The following CEP78 variants were observed in gnomAD, a reference collection of about 807,000 sequenced individuals.
CEP78 encodes the protein centrosomal protein of 78 kDa.
Under a neutral mutation model 81.2 loss-of-function variants are expected in CEP78, and 76 were observed. The ratio of observed to expected loss-of-function variants is 0.94; its 90% CI spans 0.78 to 1.13. The LOEUF is 1.13. Ranked by LOEUF, CEP78 falls within the 50% of genes most tolerant of loss-of-function variation. The pLI is 0.00. For missense variants in CEP78, 918 were observed against 846.8 expected (o/e 1.08, Z -1.04); for synonymous variants, 293 against 301.4 (o/e 0.97, Z 0.29).
At chr9:78,247,583 G>A (rs552082781) in intron 6 of CEP78, among the ~76,000 whole-genome samples, 2 of 152,288 alleles carry the variant, frequency 1.3e-5, no homozygotes, top group Non-Finnish European at 2.9e-5. Context: ...AATTCTAAAT[G>A]AGCTGAAAAC....
At chr9:78,253,025 T>C (rs1012689254) in intron 9 of CEP78, among the ~76,000 whole-genome samples, 6 of 152,190 alleles carry the variant, frequency 3.9e-5, no homozygotes, top group African/African-American at 1.4e-4. Flanking sequence ...AGTACCTGCA[T>C]CTTCAGAGTC....
Position 78,240,312 on chromosome 9 carries a change from T to G in CEP78, c.447T>G (p.Ser149=). The change falls in exon 3 of 17, where the codon TCT becomes TCG. Residue 149 remains serine, a synonymous_variant. Coordinates refer to ENST00000643273, the MANE Select transcript of CEP78 (RefSeq NM_001330691.3). ...TAAAGGGATTGAATAAATCGGCTTC[T>G]TTGGTGCACCTGTCTCTTGCAAATT... is the stretch of plus-strand genomic sequence containing the variant. ...ILAKGLNKSA[S]LVHLSLANCP... is the part of the protein sequence containing the mutation. 1.3e-6 allele frequency: 2 copies of G among 1,599,990 alleles called. No individual in the cohort carries two copies. Among genetic ancestry groups the G allele is most frequent in the Non-Finnish European group, 1.7e-6 (2 of 1,172,058 alleles).
Position 78,266,506 on chromosome 9 carries a change from C to G in CEP78, c.1910C>G (p.Ser637Cys), listed in dbSNP as rs1198671670. The part of the protein sequence containing the change: ...LPLDSFPVPV[S>C]TPEGLGTSSN... ...CTCGACTCCTTTCCTGTCCCAGTTT[C>G]TACTCCAGAGGGCTTAGGAACTTCC... The change falls in exon 16 of 17, where the codon TCT (serine) becomes TGT (cysteine). Residue 637 changes from serine to cysteine, a missense_variant. By Grantham distance (112) the Ser-to-Cys change is moderately radical. Coordinates refer to ENST00000643273, the MANE Select transcript of CEP78 (RefSeq NM_001330691.3). 1 of 1,613,618 alleles carries G rather than the reference C, an allele frequency of 6.2e-7. No homozygotes were observed. The highest frequency in any genetic ancestry group is 1.1e-5 in the South Asian group (1 of 91,066).
At chr9:78,255,612 T>C (rs1443473248) in intron 11 of CEP78, among the ~76,000 whole-genome samples, 2 of 152,134 alleles carry the variant, frequency 1.3e-5, no homozygotes, top group African/African-American at 4.8e-5. Flanking sequence ...GGAAATCACT[T>C]TTTGATTTTC....
chr9:78,258,644 G>A (rs142384138), intron 11 of CEP78, among the ~76,000 whole-genome samples: 4 of 152,090 alleles, frequency 2.6e-5, no homozygotes, highest in Non-Finnish European at 4.4e-5. Flanking sequence ...TCTAAAATCC[G>A]GTCATGTAGT....
chr9:78,253,301 T>C (rs1347512629), intron 10 of CEP78, 24 bp downstream of exon 10: 8 of 1,094,496 alleles, frequency 7.3e-6, no homozygotes, highest in South Asian at 6.6e-5. Flanking sequence ...ATGTTTATAA[T>C]ATGTAGGGGA....
chr9:78,249,122 A>G (rs1786095963), intron 8 of CEP78: 3 of 187,134 alleles, frequency 1.6e-5, no homozygotes, highest in Non-Finnish European at 2.2e-5. Flanking sequence ...TACAATATTC[A>G]TCATTTTGGA....
intron 7 of CEP78, 117 bp downstream of exon 7, chr9:78,248,472 C>G: frequency 1.4e-6 from 1 of 700,766 alleles, no homozygotes; most frequent in Non-Finnish European, 2.5e-6. Context: ...CTTCCCCCTT[C>G]CCAGCTTCCT....
intron 11 of CEP78, among the ~76,000 whole-genome samples, chr9:78,258,230 C>T (rs1158340745): frequency 1.3e-5 from 2 of 152,134 alleles, no homozygotes; most frequent in Admixed American, 1.3e-4. Flanking sequence ...CCAAGCTGTA[C>T]TTAAATTTAG....
In CEP78 at chr9:78,236,808, G is replaced by A. The variant is rs1241053808; in HGVS notation, c.253+205G>A. On this transcript the variant is annotated intron_variant, in intron 1 of 16. Transcript: ENST00000643273. Reference sequence around the variant, plus strand: ...TAATAACGAGACCCAGGTTATGTGCGCCTTCGCAAGGATTCCCTGCGCTGC... The same window carrying A: ...TAATAACGAGACCCAGGTTATGTGCACCTTCGCAAGGATTCCCTGCGCTGC... 10 of 579,498 alleles carry A rather than the reference G, an allele frequency of 1.7e-5. No homozygotes were observed. The South Asian group carries it at 3.3e-4, about 19-fold the overall frequency. 35.9% of individuals were successfully genotyped at this position (579,498 alleles called of 1,614,324 possible).
At chr9:78,268,348 T>C (rs1170185709) in intron 16 of CEP78, among the ~76,000 whole-genome samples, 3 of 152,184 alleles carry the variant, frequency 2.0e-5, no homozygotes, top group African/African-American at 7.2e-5. Context: ...TACCGAAATG[T>C]CATCAGGCAC....
rs1257381776 is a variant in CEP78, at chr9:78,273,967, C to T, written c.*3116C>T. On this transcript the variant is annotated 3_prime_UTR_variant, in exon 17 of 17. Transcript: ENST00000643273. ...TGGTAGGAATGCAAAATGACTCAGT[C>T]ACTCAAAACAGTTTGGCAGATTCTT... The T allele has an allele frequency of 6.6e-6, 1 of 152,236 alleles. No homozygotes were observed. The highest frequency in any genetic ancestry group is 1.5e-5 in the Non-Finnish European group (1 of 68,052). The allele number at this position is 152,236 out of a possible 1,614,324, so 9.4% of individuals were successfully genotyped here.
chr9:78,240,921 C>T (rs899319268), intron 3 of CEP78, among the ~76,000 whole-genome samples: 1 of 151,902 alleles, frequency 6.6e-6, no homozygotes, highest in African/African-American at 2.4e-5. Context: ...CAAGATCACA[C>T]CACTGCACTC....
At chr9:78,267,868 G>A (rs1472896249) in intron 16 of CEP78, among the ~76,000 whole-genome samples, 1 of 152,082 alleles carries the variant, frequency 6.6e-6, no homozygotes, top group Non-Finnish European at 1.5e-5. Context: ...TATGACTTGA[G>A]AGATGAGATG....
At position 78,236,113 on chromosome 9, in the gene CEP78, C is replaced by T. The variant is rs982611190; in HGVS notation, c.-238C>T. ...GCGCCTCAGAGGACTATGAGGCGGGCGCCAACTGCTTGGGCCGCAGGGCGG... is the reference window on the plus strand; with the variant it reads ...GCGCCTCAGAGGACTATGAGGCGGGTGCCAACTGCTTGGGCCGCAGGGCGG... On this transcript the variant is annotated 5_prime_UTR_variant, in exon 1 of 17. Transcript: ENST00000643273. 5.6e-6 allele frequency: 3 copies of T among 531,030 alleles called. No individual in the cohort carries two copies. Among genetic ancestry groups the T allele is most frequent in the African/African-American group, 4.1e-5 (2 of 48,752 alleles). The allele number at this position is 531,030 out of a possible 1,614,324, so 32.9% of individuals were successfully genotyped here.
At chr9:78,241,598 A>G (rs1264643616) in intron 3 of CEP78, 98 bp from the exon 4 acceptor site, 1 of 545,208 alleles carries the variant, frequency 1.8e-6, no homozygotes, top group East Asian at 3.0e-5. Flanking sequence ...GAATACAACT[A>G]TAAAATAGAA....
rs1338556218 is a variant in CEP78, at chr9:78,243,534, A to G, written c.676A>G (p.Met226Val). Residue 226 changes from methionine to valine, a missense_variant, in exon 5 of 17, where the codon ATG becomes GTG. Transcript: ENST00000643273. Reference sequence around the variant, plus strand: ...CTATAGGAGACCTGATCTTGACTGTATGGCTGGCTTAAGACGTATCACACT... The same window carrying G: ...CTATAGGAGACCTGATCTTGACTGTGTGGCTGGCTTAAGACGTATCACACT... ...LRYRRPDLDCMAGLRRITLNC... is the reference protein window; with the variant it reads ...LRYRRPDLDCVAGLRRITLNC... The G allele has an allele frequency of 1.2e-6, 2 of 1,613,916 alleles. No individual in the cohort carries two copies. The highest frequency in any genetic ancestry group is 1.3e-5 in the African/African-American group (1 of 75,034).
chr9:78,255,061 G>A, intron 11 of CEP78, 97 bp downstream of exon 11: 1 of 1,015,484 alleles, frequency 9.8e-7, no homozygotes, highest in Non-Finnish European at 1.4e-6. Flanking sequence ...GCTTGCATGG[G>A]AATTCTGTTT....
intron 3 of CEP78, 85 bp downstream of exon 3, chr9:78,240,449 T>G: frequency 8.9e-7 from 1 of 1,118,298 alleles, no homozygotes; most frequent in South Asian, 1.3e-5. Context: ...GTCTGTACCT[T>G]TTTTCTTACT....
Sources: allele counts gnomAD v4.1 joint callset (sites outside exome capture counted in the v4.1 genomes callset), GRCh38; gene constraint gnomAD v4.1.1; transcripts MANE v1.5; gene names NCBI Gene and HGNC (gene_info 2026-07-23, HGNC 2026-07-21).